Variants in TLN2 observed in about 807,000 individuals in gnomAD.
The protein encoded by TLN2 is talin-2.
TLN2 carries 118 observed loss-of-function variants against 294.7 expected under a neutral mutation model. The ratio of observed to expected loss-of-function variants is 0.40; its 90% CI spans 0.34 to 0.47. TLN2 has a LOEUF of 0.47. TLN2 is among the 20% of genes least tolerant of loss of function. TLN2 has a pLI of 0.84. For synonymous variants in TLN2, 1,431 were observed against 1,304.5 expected, an observed-to-expected ratio of 1.10 and a Z score of -2.09; for missense variants, 3,083 against 3,282.2, an observed-to-expected ratio of 0.94 and a Z score of 1.48.
intron 48 of TLN2, among the ~76,000 whole-genome samples, chr15:62,799,078 G>A (rs1268345113): frequency 6.6e-6 from 1 of 152,170 alleles, no homozygotes; most frequent in Non-Finnish European, 1.5e-5. Flanking sequence ...TAATGAGGTA[G>A]ATGGGGCTAG....
intron 44 of TLN2, 94 bp downstream of exon 44, chr15:62,781,335 A>T: frequency 1.0e-6 from 1 of 964,858 alleles, no homozygotes; most frequent in Non-Finnish European, 1.6e-6. Context: ...TGTCAGAGAG[A>T]GAGCCCAGAC....
chr15:62,764,119 T>C (rs954204080), intron 40 of TLN2, among the ~76,000 whole-genome samples: 1 of 152,208 alleles, frequency 6.6e-6, no homozygotes, highest in Admixed American at 6.5e-5. Flanking sequence ...AACGAATGCA[T>C]TTGGTCTGTT....
chr15:62,473,337 C>G (rs1315686016), intron 1 of TLN2, among the ~76,000 whole-genome samples: 1 of 151,210 alleles, frequency 6.6e-6, no homozygotes, highest in African/African-American at 2.4e-5. Context: ...GTCACTAACA[C>G]AAAACTGTCT....
rs768232302 is a variant in TLN2, at chr15:62,833,501, T to A, written c.7003-3T>A. ...ATGTGATGCTGTTTTCTTTTGGTTATAGCAAGCGGATGAGACCCTGGACTT... is the reference window on the plus strand; with the variant it reads ...ATGTGATGCTGTTTTCTTTTGGTTAAAGCAAGCGGATGAGACCCTGGACTT... On this transcript the variant is annotated splice_polypyrimidine_tract_variant and splice_region_variant and intron_variant, in intron 54 of 58. Coordinates refer to ENST00000636159, the MANE Select transcript of TLN2 (RefSeq NM_015059.3). 146 of 1,613,448 alleles carry A rather than the reference T, an allele frequency of 9.0e-5. No individual in the cohort carries two copies. The highest frequency in any genetic ancestry group is 9.8e-5 in the Non-Finnish European group (116 of 1,179,698).
At chr15:62,766,645 TCAGTG>T (rs1397378719) in intron 41 of TLN2, among the ~76,000 whole-genome samples, 4 of 152,184 alleles carry the variant, frequency 2.6e-5, no homozygotes, top group African/African-American at 7.2e-5. Context: ...GAAGAAAACT[TCAGTG>T]CAGTTTTTCT....
intron 1 of TLN2, among the ~76,000 whole-genome samples, chr15:62,513,181 A>T (rs770496368): frequency 1.7e-4 from 26 of 152,090 alleles, no homozygotes; most frequent in Non-Finnish European, 3.5e-4. Context: ...GATGACCTAG[A>T]TCCTCCATCT....
intron 3 of TLN2, among the ~76,000 whole-genome samples, chr15:62,628,656 C>T (rs770234876): frequency 6.6e-6 from 1 of 152,176 alleles, no homozygotes; most frequent in Admixed American, 6.5e-5. Flanking sequence ...CATGGAAAGA[C>T]AATCCAGTTA....
At chr15:62,796,965 G>A (rs1257875440) in intron 47 of TLN2, among the ~76,000 whole-genome samples, 2 of 152,186 alleles carry the variant, frequency 1.3e-5, no homozygotes, top group Non-Finnish European at 2.9e-5. Flanking sequence ...CCAGGTTGGT[G>A]GGCCTGACTC....
rs146737988 is a variant in TLN2, at chr15:62,593,425, A to G, written c.-162+3663A>G. Among the ~76,000 whole-genome samples the G allele has an allele frequency of 2.0e-5, 3 of 152,146 alleles. No individual in the cohort carries two copies. In the East Asian group the frequency reaches 5.8e-4, roughly 29 times the overall value. ...AATAACAATTTCCAGGCTATTTTTC[A>G]TAATTAAACTTACTAAACCATGGTA... On this transcript the variant is annotated intron_variant, in intron 2 of 58. Transcript: ENST00000636159.
intron 35 of TLN2, 147 bp downstream of exon 35, chr15:62,752,574 C>T (rs1177120345): frequency 8.0e-7 from 1 of 1,257,546 alleles, no homozygotes; most frequent in Non-Finnish European, 1.1e-6. Flanking sequence ...GGGGCATTTA[C>T]ACAAAACATG....
At chr15:62,673,920 C>T (rs1231891642) in intron 10 of TLN2, 30 bp downstream of exon 10, 1 of 1,565,890 alleles carries the variant, frequency 6.4e-7, no homozygotes, top group East Asian at 2.2e-5. Context: ...CTTTATTATT[C>T]TCCTCACTCC....
chr15:62,503,702 G>A (rs2039430217), intron 1 of TLN2, among the ~76,000 whole-genome samples: 1 of 152,122 alleles, frequency 6.6e-6, no homozygotes, highest in Admixed American at 6.5e-5. Context: ...GCCAGCTTGT[G>A]GCCTTTCTAG....
chr15:62,623,156 G>T lies in TLN2; in HGVS notation c.-37+4681G>T, dbSNP rs186756429. 8.5e-4 allele frequency among the ~76,000 whole-genome samples: 129 copies of T among 152,334 alleles called. 1 individual carries two copies. The highest frequency in any genetic ancestry group is 3.4e-3 in the Middle Eastern group (1 of 294). Reference sequence around the variant, plus strand: ...AAGTCCTGTGCTGGTTAATCTGTGCGGGAGTGGAAAAGAATGAAACATTAC... The same window carrying T: ...AAGTCCTGTGCTGGTTAATCTGTGCTGGAGTGGAAAAGAATGAAACATTAC... On this transcript the variant is annotated intron_variant, in intron 3 of 58. Coordinates refer to ENST00000636159, the MANE Select transcript of TLN2 (RefSeq NM_015059.3).
rs1453765506 is a variant in TLN2, at chr15:62,752,383, A to G, written c.4288A>G (p.Ile1430Val). The change falls in exon 35 of 59, where the codon ATT (isoleucine) becomes GTT (valine). Residue 1430 changes from isoleucine to valine, a missense_variant. By Grantham distance (29) the Ile-to-Val change is conservative. Coordinates refer to ENST00000636159, the MANE Select transcript of TLN2 (RefSeq NM_015059.3). ...DLPAFGECVG[I>V]ASKALCGLTE... ...CCCTGCCTTTGGGGAATGTGTGGGG[A>G]TTGCATCCAAGGCTCTCTGTGGGCT... The G allele has an allele frequency of 6.2e-7, 1 of 1,614,028 alleles. No individual in the cohort carries two copies. The highest frequency in any genetic ancestry group is 1.7e-5 in the Admixed American group (1 of 60,010).
chr15:62,647,154 G>A (rs1596481803), intron 3 of TLN2, 121 bp from the exon 4 acceptor site: 3 of 951,114 alleles, frequency 3.2e-6, no homozygotes, highest in East Asian at 5.2e-5. Context: ...CTCTTTATTT[G>A]CTGTTTTATT....
At chr15:62,780,952 T>C (rs2064112592) in intron 43 of TLN2, among the ~76,000 whole-genome samples, 188 bp from the exon 44 acceptor site, 1 of 152,188 alleles carries the variant, frequency 6.6e-6, no homozygotes, top group South Asian at 2.1e-4. Flanking sequence ...CTCCTTGCCA[T>C]GTACCCTGAA....
Position 62,548,417 on chromosome 15 carries a change from A to G in TLN2, c.-237-41270A>G, listed in dbSNP as rs138602617. On this transcript the variant is annotated intron_variant, in intron 1 of 58. Transcript: ENST00000636159. ...GATGACAGAAACCCCAAATTGGCTTAAACAATAAAGACAATGCATTGGCTC... is the reference window on the plus strand; with the variant it reads ...GATGACAGAAACCCCAAATTGGCTTGAACAATAAAGACAATGCATTGGCTC... Among the ~76,000 whole-genome samples, 400 of 152,356 alleles carry G rather than the reference A, an allele frequency of 2.6e-3. 2 individuals are homozygous for G. The highest frequency in any genetic ancestry group is 4.8e-3 in the South Asian group (23 of 4,830).
intron 43 of TLN2, among the ~76,000 whole-genome samples, chr15:62,779,221 A>G (rs2063937320): frequency 6.6e-6 from 1 of 152,206 alleles, no homozygotes; most frequent in South Asian, 2.1e-4. Flanking sequence ...AGTATGAAGT[A>G]ATCAGCTTTC....
intron 1 of TLN2, among the ~76,000 whole-genome samples, chr15:62,559,611 C>T (rs781000135): frequency 6.6e-6 from 1 of 152,208 alleles, no homozygotes; most frequent in Non-Finnish European, 1.5e-5. Flanking sequence ...TGAGGTAGCA[C>T]TGTTGCCATA....
Sources: gnomAD v4.1 joint callset for allele counts (sites outside exome capture counted in the v4.1 genomes callset) on GRCh38, gnomAD v4.1.1 for gene constraint, MANE v1.5 for transcripts, NCBI Gene and HGNC (gene_info 2026-07-23, HGNC 2026-07-21) for gene names.